The following CAB39 variants were observed in gnomAD, a reference collection of about 807,000 sequenced individuals.
CAB39 encodes calcium-binding protein 39.
A neutral mutation model predicts 40.0 loss-of-function variants in CAB39; 8 were observed. That is an observed-to-expected ratio of 0.20 (90% CI 0.12 to 0.36). The LOEUF (loss-of-function observed/expected upper bound fraction) is 0.36, where lower values mean the gene tolerates loss of function less well. CAB39 is among the 10% of genes least tolerant of loss of function. The probability of loss-of-function intolerance (pLI) is 1.00; values close to 1 mark genes in which losing one functional copy is unlikely to be tolerated. For synonymous variants in CAB39, 156 were observed against 141.6 expected (o/e 1.10, Z -0.72); for missense variants, 270 against 401.1 (o/e 0.67, Z 2.79).
intron 1 of CAB39, among the ~76,000 whole-genome samples, chr2:230,749,826 G>T (rs1277691411): frequency 6.6e-6 from 1 of 152,106 alleles, no homozygotes; most frequent in Non-Finnish European, 1.5e-5. Context: ...GTGTAATTGC[G>T]GGCTTAGAAA....
chr2:230,773,700 ATGT>A (rs1336205373), intron 2 of CAB39, among the ~76,000 whole-genome samples: 2 of 152,150 alleles, frequency 1.3e-5, no homozygotes, highest in African/African-American at 2.4e-5. Flanking sequence ...GAGCAGAGTA[ATGT>A]TGTAGGGCGG....
chr2:230,817,328 G>T (rs1160644786), intron 7 of CAB39, among the ~76,000 whole-genome samples: 1 of 152,150 alleles, frequency 6.6e-6, no homozygotes, highest in African/African-American at 2.4e-5. Context: ...GGAAAGTCCC[G>T]CTAAATAAAA....
At chr2:230,813,100 T>A (rs929241753) in intron 6 of CAB39, among the ~76,000 whole-genome samples, 1 of 152,178 alleles carries the variant, frequency 6.6e-6, no homozygotes, top group Non-Finnish European at 1.5e-5. Context: ...AGCACGAAGA[T>A]CCAACAGTCA....
At chr2:230,775,396 C>G (rs751880015) in intron 2 of CAB39, among the ~76,000 whole-genome samples, 6 of 151,844 alleles carry the variant, frequency 4.0e-5, no homozygotes, top group Non-Finnish European at 7.4e-5. Flanking sequence ...TTGCCATGCC[C>G]AGCTAATTTT....
rs769627146 is a variant in CAB39, at chr2:230,721,252, G to A, written c.-44+8022G>A. ...TCAAGACCTGCCTGGCCAACGTGGC[G>A]AAACCATGTCTCTACTAAAAATACA... On this transcript the variant is annotated intron_variant, in intron 1 of 8. Transcript: ENST00000258418. Among the ~76,000 whole-genome samples, 4 of 152,090 alleles carry A rather than the reference G, an allele frequency of 2.6e-5. No homozygotes were observed. The South Asian group carries it at 6.2e-4, about 24-fold the overall frequency.
intron 5 of CAB39, among the ~76,000 whole-genome samples, chr2:230,803,170 A>G (rs1340062750): frequency 6.6e-6 from 1 of 152,258 alleles, no homozygotes; most frequent in Non-Finnish European, 1.5e-5. Flanking sequence ...GATTATCTCA[A>G]TAGATGCAGA....
intron 1 of CAB39, among the ~76,000 whole-genome samples, chr2:230,740,675 ATAGGGTT>A (rs1694861026): frequency 6.6e-6 from 1 of 152,092 alleles, no homozygotes. Flanking sequence ...ACAGTTCGCA[ATAGGGTT>A]CACGCTCCTG....
Position 230,733,055 on chromosome 2 carries a change from G to C in CAB39, c.-44+19825G>C, listed in dbSNP as rs544773075. ...CTGTTGCACCCTACTTTAAGTAGAG[G>C]GTGCTCTGTCTTTGCTAGATTGAGA... is the stretch of plus-strand genomic sequence containing the variant. On this transcript the variant is annotated intron_variant, in intron 1 of 8. Coordinates refer to ENST00000258418, the MANE Select transcript of CAB39 (RefSeq NM_016289.4). Among the ~76,000 whole-genome samples the C allele has an allele frequency of 2.6e-5, 4 of 152,186 alleles. 1 individual carries two copies. The South Asian group carries it at 8.3e-4, about 32-fold the overall frequency.
intron 2 of CAB39, among the ~76,000 whole-genome samples, chr2:230,776,229 C>T (rs1409688116): frequency 1.3e-5 from 2 of 152,124 alleles, no homozygotes; most frequent in Non-Finnish European, 2.9e-5. Context: ...AGAGGTCTTA[C>T]GCTATAGAAG....
At chr2:230,772,086 A>T (rs1695491769) in intron 2 of CAB39, among the ~76,000 whole-genome samples, 1 of 152,248 alleles carries the variant, frequency 6.6e-6, no homozygotes, top group South Asian at 2.1e-4. Flanking sequence ...ATTCATAAAA[A>T]TTAAAACCTG....
chr2:230,796,825 G>A (rs1339853654), intron 4 of CAB39, among the ~76,000 whole-genome samples: 3 of 152,152 alleles, frequency 2.0e-5, no homozygotes, highest in Non-Finnish European at 4.4e-5. Context: ...AGGCAGAAAA[G>A]AGAGAAGGCA....
intron 1 of CAB39, among the ~76,000 whole-genome samples, chr2:230,757,776 T>A (rs1187027197): frequency 1.3e-5 from 2 of 152,102 alleles, no homozygotes. Flanking sequence ...GTGAGTGTGA[T>A]ACACTGTTTA....
intron 2 of CAB39, among the ~76,000 whole-genome samples, chr2:230,771,365 A>G (rs1490228391): frequency 6.6e-6 from 1 of 152,224 alleles, no homozygotes; most frequent in Non-Finnish European, 1.5e-5. Flanking sequence ...ATCAAAAAAT[A>G]TGAAATGCTA....
rs1400750290 is a variant in CAB39 at position 230,806,085 on chromosome 2, A to G, written c.568-4178A>G. ...AGGACCCAGCTGTATAAAATATGGG[A>G]TGGAGGAATAACACAATAATAATAA... On this transcript the variant is annotated intron_variant, in intron 5 of 8. Transcript: ENST00000258418. Among the ~76,000 whole-genome samples the G allele has an allele frequency of 2.0e-5, 3 of 152,310 alleles. No individual in the cohort carries two copies. The South Asian group carries it at 6.2e-4, about 32-fold the overall frequency.
chr2:230,782,832 T>TGTGTTGTTGG (rs1695715681), intron 2 of CAB39, among the ~76,000 whole-genome samples: 1 of 145,118 alleles, frequency 6.9e-6, no homozygotes. Context: ...TTTTTTTTTT[T>TGTGTTGTTGG]GAGAAGAAGG....
Position 230,788,975 on chromosome 2 carries a change from A to G in CAB39, c.115-1897A>G, listed in dbSNP as rs978030966. On this transcript the variant is annotated intron_variant, in intron 2 of 8. Transcript: ENST00000258418. Reference sequence around the variant, plus strand: ...AAACATTCGTCCATTATGTCTTCAAATAGTTTGTCTGCCCTTCCACCTCTT... The same window carrying G: ...AAACATTCGTCCATTATGTCTTCAAGTAGTTTGTCTGCCCTTCCACCTCTT... Among the ~76,000 whole-genome samples the G allele has an allele frequency of 2.6e-5, 4 of 152,316 alleles. No homozygotes were observed. The East Asian group carries it at 7.7e-4, about 29-fold the overall frequency.
At chr2:230,737,379 G>C (rs1009245505) in intron 1 of CAB39, among the ~76,000 whole-genome samples, 1 of 152,014 alleles carries the variant, frequency 6.6e-6, no homozygotes, top group Non-Finnish European at 1.5e-5. Context: ...CTGTCTCCCC[G>C]CTACCCTCTC....
At chr2:230,729,743 G>GAAAAAAAAA (rs74770314) in intron 1 of CAB39, among the ~76,000 whole-genome samples, 1 of 126,166 alleles carries the variant, frequency 7.9e-6, no homozygotes, top group Non-Finnish European at 1.7e-5. Context: ...CTGTCTTAAG[G>GAAAAAAAAA]AAAAAAAAAA....
chr2:230,717,583 A>G (rs7590884), intron 1 of CAB39, among the ~76,000 whole-genome samples: 3 of 152,068 alleles, frequency 2.0e-5, no homozygotes, highest in Non-Finnish European at 4.4e-5. Context: ...GTAGAGTAGA[A>G]CAGTCTGTGA....
Sources: gnomAD v4.1 joint callset for allele counts (sites outside exome capture counted in the v4.1 genomes callset) on GRCh38, gnomAD v4.1.1 for gene constraint, MANE v1.5 for transcripts, NCBI Gene and HGNC (gene_info 2026-07-23, HGNC 2026-07-21) for gene names.